Variants in SLC30A8 observed in about 807,000 individuals in gnomAD.
SLC30A8 encodes solute carrier family 30 member 8.
In SLC30A8, 27 loss-of-function variants were observed where a neutral mutation model predicts 36.9. The observed-to-expected ratio is 0.73, with a 90% CI of 0.54 to 1.01. The LOEUF is 1.01. Among genes scored for constraint, SLC30A8 ranks in the 50% least tolerant of loss-of-function variants. The pLI is 0.00. For missense variants in SLC30A8, 439 were observed against 452.0 expected, an observed-to-expected ratio of 0.97 and a Z score of 0.26; for synonymous variants, 164 against 172.4, an observed-to-expected ratio of 0.95 and a Z score of 0.38.
chr8:116,999,033 C>T (rs1815915086), intron 1 of SLC30A8, among the ~76,000 whole-genome samples: 1 of 152,174 alleles, frequency 6.6e-6, no homozygotes, highest in Non-Finnish European at 1.5e-5. Flanking sequence ...CTGAGGCGGG[C>T]AGATCACCTG....
chr8:117,136,825 A>T (rs1821384774), intron 1 of SLC30A8, among the ~76,000 whole-genome samples: 1 of 152,018 alleles, frequency 6.6e-6, no homozygotes, highest in Non-Finnish European at 1.5e-5. Context: ...CCAACCACTT[A>T]TAGTTACAAA....
At chr8:117,044,950 G>C (rs1385280726) in intron 2 of SLC30A8, among the ~76,000 whole-genome samples, 1 of 152,180 alleles carries the variant, frequency 6.6e-6, no homozygotes, top group Non-Finnish European at 1.5e-5. Flanking sequence ...TGTGCTTCTC[G>C]TGGCTCCATC....
intron 1 of SLC30A8, among the ~76,000 whole-genome samples, chr8:116,987,937 G>A (rs1815505119): frequency 6.6e-6 from 1 of 152,182 alleles, no homozygotes; most frequent in African/African-American, 2.4e-5. Flanking sequence ...GACCTCAAGT[G>A]ATCCGCCTGC....
rs539402880 is a variant in SLC30A8, at chr8:116,957,325, G to T, written c.-266+6206G>T. Among the ~76,000 whole-genome samples the T allele has an allele frequency of 1.3e-4, 20 of 151,968 alleles. 1 individual carries two copies. The South Asian group carries it at 4.2e-3, about 32-fold the overall frequency. The stretch of plus-strand genomic sequence containing the variant: ...GAAGTCTCGCTATGTAGCCCAGGCT[G>T]GAGTGCAGTGGCGCCATCTCCTGCA... On this transcript the variant is annotated intron_variant, in intron 1 of 10. Coordinates refer to the SLC30A8 transcript ENST00000427715.
intron 3 of SLC30A8, 72 bp downstream of exon 3, chr8:117,153,162 C>T (rs1175383405): frequency 7.0e-7 from 1 of 1,432,122 alleles, no homozygotes; most frequent in Non-Finnish European, 9.3e-7. Context: ...AAGTGGAAGA[C>T]ACGAAGCAAA....
chr8:116,987,005 G>A (rs1815466697), intron 1 of SLC30A8, among the ~76,000 whole-genome samples: 1 of 151,966 alleles, frequency 6.6e-6, no homozygotes, highest in Non-Finnish European at 1.5e-5. Context: ...TTCTCATATT[G>A]AGACACATCT....
intron 1 of SLC30A8, among the ~76,000 whole-genome samples, chr8:117,003,607 A>G (rs1042512864): frequency 1.3e-5 from 2 of 152,190 alleles, no homozygotes; most frequent in Admixed American, 6.5e-5. Context: ...GAAAATAGGC[A>G]CTATGGAACT....
chr8:116,964,955 A>T (rs530821566), intron 1 of SLC30A8, among the ~76,000 whole-genome samples: 14 of 152,248 alleles, frequency 9.2e-5, no homozygotes, highest in Middle Eastern at 3.4e-3. Flanking sequence ...TTTGTTTTTG[A>T]GACGGAATTT....
intron 1 of SLC30A8, among the ~76,000 whole-genome samples, chr8:116,978,094 G>T (rs1815116449): frequency 6.6e-6 from 1 of 151,918 alleles, no homozygotes; most frequent in African/African-American, 2.4e-5. Flanking sequence ...TAACCTTCCT[G>T]TAACCTTCCT....
At chr8:117,094,368 G>C (rs538786161) in intron 2 of SLC30A8, among the ~76,000 whole-genome samples, 1 of 152,276 alleles carries the variant, frequency 6.6e-6, no homozygotes, top group African/African-American at 2.4e-5. Context: ...CAGCTCAGAG[G>C]AGACCCGCAG....
chr8:117,132,852 A>T (rs1029694576), upstream of SLC30A8, among the ~76,000 whole-genome samples: 3 of 152,082 alleles, frequency 2.0e-5, no homozygotes, highest in Non-Finnish European at 4.4e-5. Flanking sequence ...CTTGATCATA[A>T]CATCTGCATC....
intron 1 of SLC30A8, among the ~76,000 whole-genome samples, chr8:117,036,593 G>A (rs571203919): frequency 3.2e-4 from 49 of 152,272 alleles, no homozygotes; most frequent in East Asian, 2.9e-3. Context: ...AAGCAGGCAC[G>A]TCTTACATGG....
intron 2 of SLC30A8, among the ~76,000 whole-genome samples, chr8:117,151,173 T>C (rs919870372): frequency 1.3e-5 from 2 of 152,210 alleles, no homozygotes; most frequent in Non-Finnish European, 2.9e-5. Context: ...CTCTTTTTGC[T>C]AATTCTTACC....
intron 1 of SLC30A8, among the ~76,000 whole-genome samples, chr8:117,011,679 CA>C (rs1175780617): frequency 1.3e-5 from 2 of 152,120 alleles, no homozygotes; most frequent in Admixed American, 1.3e-4. Context: ...AAAAAGAAGC[CA>C]GGGGTGATGT....
chr8:116,981,786 A>T (rs1052458921), intron 1 of SLC30A8, among the ~76,000 whole-genome samples: 8 of 152,168 alleles, frequency 5.3e-5, no homozygotes, highest in African/African-American at 1.9e-4. Context: ...CATGGTGTGT[A>T]TGTACTACAT....
intron 1 of SLC30A8, among the ~76,000 whole-genome samples, chr8:117,000,734 A>G (rs1586381753): frequency 6.6e-6 from 1 of 152,324 alleles, no homozygotes; most frequent in South Asian, 2.1e-4. Context: ...AAGTGGTTTA[A>G]TAGTAGAATG....
chr8:117,059,579 A>G lies in SLC30A8; in HGVS notation c.-226+20321A>G, dbSNP rs181653676. Among the ~76,000 whole-genome samples the G allele has an allele frequency of 2.1e-4, 32 of 152,288 alleles. No homozygotes were observed. In the East Asian group the frequency reaches 5.8e-3, roughly 28 times the overall value. On this transcript the variant is annotated intron_variant, in intron 2 of 10. Coordinates refer to the SLC30A8 transcript ENST00000427715. ...CTTCCTACACCCCTACTCATGAATA[A>G]TATGCAGACCTGCACTTCAGGCAAA...
At chr8:116,999,866 G>A (rs923863304) in intron 1 of SLC30A8, among the ~76,000 whole-genome samples, 7 of 152,096 alleles carry the variant, frequency 4.6e-5, no homozygotes, top group African/African-American at 1.4e-4. Context: ...AAACAGATAT[G>A]AAAATAATTA....
At chr8:117,099,422 G>A (rs1819612484) in intron 2 of SLC30A8, among the ~76,000 whole-genome samples, 1 of 152,092 alleles carries the variant, frequency 6.6e-6, no homozygotes, top group African/African-American at 2.4e-5. Context: ...CAGAACCCAA[G>A]CCCTCCAGTC....
Sources: gnomAD v4.1 joint callset for allele counts (sites outside exome capture counted in the v4.1 genomes callset) on GRCh38, gnomAD v4.1.1 for gene constraint, MANE v1.5 for transcripts, NCBI Gene and HGNC (gene_info 2026-07-23, HGNC 2026-07-21) for gene names.